THADA: variants seen among roughly 807,000 people sequenced by gnomAD.
THADA encodes THADA armadillo repeat containing, also known as tRNA (32-2'-O)-methyltransferase regulator THADA.
THADA carries 213 observed loss-of-function variants against 219.8 expected under a neutral mutation model. The observed-to-expected ratio is 0.97, with a 90% CI of 0.87 to 1.09. THADA has a LOEUF of 1.09. Ranked by LOEUF, THADA falls within the 50% of genes least tolerant of loss-of-function variation. The pLI, the probability that THADA is intolerant of heterozygous loss-of-function variation, is 0.00. For missense variants in THADA, 2,956 were observed against 2,311.3 expected, an observed-to-expected ratio of 1.28 and a Z score of -5.72; for synonymous variants, 1,018 against 828.9, an observed-to-expected ratio of 1.23 and a Z score of -3.92.
intron 36 of THADA, among the ~76,000 whole-genome samples, chr2:43,254,026 C>T (rs948231088): frequency 5.3e-5 from 8 of 152,008 alleles, no homozygotes; most frequent in African/African-American, 1.9e-4. Flanking sequence ...GTGGGGCTAA[C>T]CCTACCCTCA....
At chr2:43,494,265 A>T (rs971199436) in intron 25 of THADA, among the ~76,000 whole-genome samples, 55 of 152,354 alleles carry the variant, frequency 3.6e-4, no homozygotes, top group African/African-American at 1.3e-3. Flanking sequence ...CAAGACAACC[A>T]GCTCAGATTT....
Position 43,542,953 on chromosome 2 carries a change from G to A in THADA, c.3107-1637C>T, listed in dbSNP as rs1232157355. Among the ~76,000 whole-genome samples, 7 of 151,346 alleles carry A rather than the reference G, an allele frequency of 4.6e-5. 1 individual carries two copies. The highest frequency in any genetic ancestry group is 1.3e-4 in the Admixed American group (2 of 15,198). ...ACATATGTATACATGTGCCATGCTG[G>A]TGTGCTGCACCCATTAACTACTCAT... is the stretch of plus-strand genomic sequence containing the variant. On this transcript the variant is annotated intron_variant, in intron 20 of 37. Transcript: ENST00000405975.
At chr2:43,290,272 GTT>G (rs796665720) in intron 34 of THADA, among the ~76,000 whole-genome samples, 1 of 145,084 alleles carries the variant, frequency 6.9e-6, no homozygotes, top group Admixed American at 6.9e-5. Flanking sequence ...ATGTCTGGCC[GTT>G]TTTTTTTTTC....
intron 24 of THADA, among the ~76,000 whole-genome samples, chr2:43,499,601 T>C (rs1688679669): frequency 6.6e-6 from 1 of 152,164 alleles, no homozygotes; most frequent in Non-Finnish European, 1.5e-5. Flanking sequence ...GGTCTTGAAC[T>C]CCTGATCTCA....
chr2:43,331,732 T>G (rs1462849067), intron 30 of THADA, among the ~76,000 whole-genome samples: 1 of 152,228 alleles, frequency 6.6e-6, no homozygotes, highest in Non-Finnish European at 1.5e-5. Context: ...AATCACACTC[T>G]GCTCTACCGC....
In THADA at chr2:43,549,148, C is replaced by T. The variant is rs1034337517; in HGVS notation, c.3106+62G>A. On this transcript the variant is annotated intron_variant, in intron 20 of 37. Coordinates refer to ENST00000405975, the MANE Select transcript of THADA (RefSeq NM_022065.5). ...CCTCTAATTTACCATATAAAAAGGG[C>T]ATTCTGTACATTTTACTGGTTACTT... 2.3e-6 allele frequency: 3 copies of T among 1,315,620 alleles called. No homozygotes were observed. In the African/African-American group the frequency reaches 4.6e-5, roughly 20 times the overall value. 81.5% of individuals were successfully genotyped at this position (1,315,620 alleles called of 1,614,324 possible). A position where few individuals can be genotyped will look rare whatever the true frequency, so the allele number is the denominator to read the frequency against.
chr2:43,316,133 T>A (rs1291568629), intron 31 of THADA, among the ~76,000 whole-genome samples: 1 of 152,192 alleles, frequency 6.6e-6, no homozygotes, highest in African/African-American at 2.4e-5. Context: ...TACCTCCACC[T>A]TGCCCATCCT....
chr2:43,332,097 T>C (rs535771261), intron 30 of THADA, among the ~76,000 whole-genome samples: 38 of 152,322 alleles, frequency 2.5e-4, no homozygotes, highest in African/African-American at 9.1e-4. Context: ...ATTATTATTA[T>C]TTTTTTGAGA....
At chr2:43,475,135 G>A (rs1004298473) in intron 26 of THADA, among the ~76,000 whole-genome samples, 2 of 152,004 alleles carry the variant, frequency 1.3e-5, no homozygotes, top group East Asian at 1.9e-4. Flanking sequence ...TTAGAAAGAC[G>A]GCTGGGCATG....
chr2:43,571,809 A>C lies in THADA; in HGVS notation c.1962T>G (p.Ile654Met), dbSNP rs1425191244. The part of the protein sequence containing the change: ...LLCESNRSTE[I>M]VSMEEMQWIQ... ...TCCACTGCATTTCTTCCATGGAAAC[A>C]ATTTCTGTGCTCCGATTACTTTCAC... Residue 654 changes from isoleucine to methionine, a missense_variant, in exon 13 of 38, where the codon ATT becomes ATG. Physicochemically the swap from Ile to Met is conservative, Grantham distance 10. Coordinates refer to ENST00000405975, the MANE Select transcript of THADA (RefSeq NM_022065.5). 1.2e-6 allele frequency: 2 copies of C among 1,613,966 alleles called. No homozygotes were observed. The highest frequency in any genetic ancestry group is 2.2e-5 in the South Asian group (2 of 91,084).
intron 26 of THADA, among the ~76,000 whole-genome samples, chr2:43,465,165 T>A (rs1161851335): frequency 6.6e-6 from 1 of 152,218 alleles, no homozygotes; most frequent in Non-Finnish European, 1.5e-5. Flanking sequence ...TGGTTTCTAA[T>A]TAAAGAACTA....
At chr2:43,466,926 T>C (rs1684308835) in intron 26 of THADA, among the ~76,000 whole-genome samples, 1 of 152,090 alleles carries the variant, frequency 6.6e-6, no homozygotes, top group Admixed American at 6.5e-5. Context: ...CTCACGCCTG[T>C]AATCCCAGCA....
At chr2:43,413,684 C>A (rs1366913928) in intron 28 of THADA, among the ~76,000 whole-genome samples, 1 of 152,154 alleles carries the variant, frequency 6.6e-6, no homozygotes, top group Non-Finnish European at 1.5e-5. Flanking sequence ...ATTTTCAAGA[C>A]AGAAAGGGCT....
intron 31 of THADA, among the ~76,000 whole-genome samples, chr2:43,310,748 A>C (rs563706196): frequency 5.1e-4 from 77 of 152,352 alleles, no homozygotes; most frequent in African/African-American, 1.8e-3. Context: ...CAAAACTAAA[A>C]ACTTTTGTCC....
intron 11 of THADA, 44 bp from the exon 12 acceptor site, chr2:43,573,036 C>G (rs528668514): frequency 7.1e-7 from 1 of 1,405,954 alleles, no homozygotes; most frequent in East Asian, 2.5e-5. Flanking sequence ...TATGCAATGA[C>G]TACTATAATT....
intron 22 of THADA, among the ~76,000 whole-genome samples, chr2:43,513,195 C>T (rs956383846): frequency 1.3e-5 from 2 of 152,040 alleles, no homozygotes; most frequent in Non-Finnish European, 1.5e-5. Flanking sequence ...CTAAAATCAT[C>T]GGTTATTATG....
chr2:43,313,624 G>C (rs1457431734), intron 31 of THADA, among the ~76,000 whole-genome samples: 1 of 152,208 alleles, frequency 6.6e-6, no homozygotes, highest in Non-Finnish European at 1.5e-5. Flanking sequence ...CCAGTCCTGG[G>C]TAGGCTCTCG....
intron 17 of THADA, among the ~76,000 whole-genome samples, chr2:43,553,131 A>G (rs1489836952): frequency 6.6e-6 from 1 of 152,172 alleles, no homozygotes; most frequent in Non-Finnish European, 1.5e-5. Context: ...GATATACCAC[A>G]TTTTATTTAT....
At chr2:43,273,662 T>C (rs1012411012) in intron 36 of THADA, among the ~76,000 whole-genome samples, 2 of 152,082 alleles carry the variant, frequency 1.3e-5, no homozygotes, top group African/African-American at 4.8e-5. Context: ...CCTTAGAGGT[T>C]CCAGGAGTGG....
Sources: gnomAD v4.1 joint callset for allele counts (sites outside exome capture counted in the v4.1 genomes callset) on GRCh38, gnomAD v4.1.1 for gene constraint, MANE v1.5 for transcripts, NCBI Gene and HGNC (gene_info 2026-07-23, HGNC 2026-07-21) for gene names.